The following TAB2 variants were observed in gnomAD, a reference collection of about 807,000 sequenced individuals.
TAB2 encodes the protein TGF-beta-activated kinase 1 and MAP3K7-binding protein 2.
In TAB2, 3 loss-of-function variants were observed where a neutral mutation model predicts 65.0. The ratio of observed to expected loss-of-function variants is 0.05; its 90% CI spans 0.02 to 0.12. The LOEUF (loss-of-function observed/expected upper bound fraction) is 0.12, where lower values mean the gene tolerates loss of function less well. Among genes scored for constraint, TAB2 ranks in the 10% least tolerant of loss-of-function variants. TAB2 has a pLI of 1.00. For synonymous variants in TAB2, 298 were observed against 285.1 expected (o/e 1.05, Z -0.46); for missense variants, 623 against 840.3 (o/e 0.74, Z 3.20).
chr6:149,266,207 G>C (rs1205418207), intron 1 of TAB2, among the ~76,000 whole-genome samples: 1 of 152,200 alleles, frequency 6.6e-6, no homozygotes, highest in Non-Finnish European at 1.5e-5. Flanking sequence ...ACCGTACAAG[G>C]ACTGACCTGT....
chr6:149,368,409 G>A (rs1003379146), intron 1 of TAB2, among the ~76,000 whole-genome samples: 1 of 151,968 alleles, frequency 6.6e-6, no homozygotes, highest in African/African-American at 2.4e-5. Context: ...GATTAGAAGG[G>A]AGGGAGAAAG....
intron 6 of TAB2, chr6:149,400,257 C>G: frequency 1.1e-6 from 1 of 950,862 alleles, no homozygotes; most frequent in South Asian, 1.7e-5. Context: ...GGAGGGAGCC[C>G]AGGATGTGCA....
intron 1 of TAB2, among the ~76,000 whole-genome samples, chr6:149,289,592 C>G (rs547375839): frequency 3.9e-5 from 6 of 152,318 alleles, no homozygotes; most frequent in Non-Finnish European, 5.9e-5. Context: ...CTCTCTTCAC[C>G]CAGTCCACTC....
chr6:149,231,150 T>G (rs1777396650), intron 1 of TAB2, among the ~76,000 whole-genome samples: 2 of 152,234 alleles, frequency 1.3e-5, no homozygotes, highest in South Asian at 4.1e-4. Context: ...TACAATTCAG[T>G]TCTTGTGCTT....
chr6:149,240,333 C>A (rs1777574658), intron 1 of TAB2, among the ~76,000 whole-genome samples: 1 of 152,110 alleles, frequency 6.6e-6, no homozygotes, highest in African/African-American at 2.4e-5. Context: ...ATCTAGTTGG[C>A]CACCTCCTGC....
At chr6:149,275,825 C>T (rs1778461391) in intron 1 of TAB2, among the ~76,000 whole-genome samples, 1 of 152,166 alleles carries the variant, frequency 6.6e-6, no homozygotes, top group Non-Finnish European at 1.5e-5. Flanking sequence ...AGAAAAGCAT[C>T]AAACAAATTC....
chr6:149,251,004 A>G (rs1373403449), intron 1 of TAB2, among the ~76,000 whole-genome samples: 3 of 152,156 alleles, frequency 2.0e-5, no homozygotes, highest in Admixed American at 6.5e-5. Context: ...CATAGCAGCC[A>G]GCTTTCATCA....
chr6:149,283,634 C>G (rs1275742087), intron 1 of TAB2, among the ~76,000 whole-genome samples: 1 of 151,984 alleles, frequency 6.6e-6, no homozygotes, highest in Admixed American at 6.6e-5. Flanking sequence ...CACTTGAACC[C>G]GAGAGGCAGA....
intron 1 of TAB2, among the ~76,000 whole-genome samples, chr6:149,357,317 G>A (rs1780685710): frequency 1.3e-5 from 2 of 151,900 alleles, no homozygotes; most frequent in African/African-American, 4.8e-5. Flanking sequence ...TCAGGAGGCT[G>A]AGGCAGGAGA....
At chr6:149,292,264 A>C (rs995570027) in intron 1 of TAB2, among the ~76,000 whole-genome samples, 1 of 152,358 alleles carries the variant, frequency 6.6e-6, no homozygotes, top group Middle Eastern at 3.4e-3. Context: ...TTTAGTACAT[A>C]TTTTACAACA....
At chr6:149,337,147 A>G (rs561030296) in intron 1 of TAB2, among the ~76,000 whole-genome samples, 23 of 152,242 alleles carry the variant, frequency 1.5e-4, no homozygotes, top group African/African-American at 5.5e-4. Flanking sequence ...GACTCCCACT[A>G]GATTTTATTG....
intron 1 of TAB2, among the ~76,000 whole-genome samples, chr6:149,227,847 G>A (rs1409525525): frequency 6.6e-6 from 1 of 152,148 alleles, no homozygotes; most frequent in Non-Finnish European, 1.5e-5. Context: ...GTTCGTGAAG[G>A]TTGTTTATAC....
intron 1 of TAB2, among the ~76,000 whole-genome samples, chr6:149,319,250 C>T (rs576799595): frequency 1.3e-5 from 2 of 152,308 alleles, no homozygotes; most frequent in East Asian, 3.9e-4. Flanking sequence ...TATTTGCTTT[C>T]AGTTTTTTCA....
chr6:149,304,918 C>T (rs1779035038), intron 1 of TAB2, among the ~76,000 whole-genome samples: 1 of 151,238 alleles, frequency 6.6e-6, no homozygotes, highest in Non-Finnish European at 1.5e-5. Context: ...ATACTTTAAT[C>T]ATCTCTAGAT....
At chr6:149,266,275 G>A (rs1778263775) in intron 1 of TAB2, among the ~76,000 whole-genome samples, 1 of 152,168 alleles carries the variant, frequency 6.6e-6, no homozygotes, top group Non-Finnish European at 1.5e-5. Flanking sequence ...TTGTCCGTGT[G>A]TCTGTGTCTT....
rs547676362 is a variant in TAB2, at chr6:149,283,149, G to T, written c.-121+64373G>T. ...GCTCCCCGGGTGACACCGTTCACCA[G>T]CTCCCCTCTGCTCTCCCGCTAGGGT... On this transcript the variant is annotated intron_variant, in intron 1 of 1. Coordinates refer to the TAB2 transcript ENST00000606202. Among the ~76,000 whole-genome samples, 36 of 152,346 alleles carry T rather than the reference G, an allele frequency of 2.4e-4. 2 individuals carry two copies. Among genetic ancestry groups the T allele is most frequent in the Middle Eastern group, 6.8e-3 (2 of 294 alleles).
chr6:149,242,938 A>G (rs1777630508), intron 1 of TAB2, among the ~76,000 whole-genome samples: 1 of 152,188 alleles, frequency 6.6e-6, no homozygotes, highest in Admixed American at 6.5e-5. Context: ...CTCTGGAAGC[A>G]CCCTTTCATC....
intron 1 of TAB2, among the ~76,000 whole-genome samples, chr6:149,303,885 T>C (rs1779012393): frequency 6.6e-6 from 1 of 152,028 alleles, no homozygotes; most frequent in African/African-American, 2.4e-5. Flanking sequence ...TGGCAATGAG[T>C]GGTGAGTGCC....
chr6:149,271,741 T>A (rs1334417442), intron 1 of TAB2, among the ~76,000 whole-genome samples: 1 of 152,132 alleles, frequency 6.6e-6, no homozygotes, highest in Non-Finnish European at 1.5e-5. Context: ...CAGTCCAGCA[T>A]AGAGAGGAAA....
Sources: gnomAD v4.1 joint callset for allele counts (sites outside exome capture counted in the v4.1 genomes callset) on GRCh38, gnomAD v4.1.1 for gene constraint, MANE v1.5 for transcripts, NCBI Gene and HGNC (gene_info 2026-07-23, HGNC 2026-07-21) for gene names.